The following SLC22A14 variants were observed in gnomAD, a reference collection of about 807,000 sequenced individuals.
SLC22A14 encodes solute carrier family 22 member 14, also known as organic cation transporter-like 4.
In SLC22A14, 50 loss-of-function variants were observed where a neutral mutation model predicts 53.9. The ratio of observed to expected loss-of-function variants is 0.93; its 90% CI spans 0.74 to 1.17. The LOEUF is 1.17. SLC22A14 is among the 50% of genes most tolerant of loss of function. SLC22A14 has a pLI of 0.00. For synonymous variants in SLC22A14, 312 were observed against 303.0 expected (o/e 1.03, Z -0.31); for missense variants, 671 against 734.7 (o/e 0.91, Z 1.00).
chr3:38,308,122 A>AC lies in SLC22A14; in HGVS notation c.775+402_775+403insC, dbSNP rs1421806618. 6 of 155,700 alleles carry AC rather than the reference A, an allele frequency of 3.9e-5. No individual in the cohort carries two copies. In the East Asian group the frequency reaches 7.4e-4, roughly 19 times the overall value. The allele number at this position is 155,700 out of a possible 1,614,324, so 9.6% of individuals were successfully genotyped here. The stretch of plus-strand genomic sequence containing the variant: ...CCCTTAAGAAAGGCCAGGCAAAAGA[A>AC]AAAACAACAAAAAACAGAAGAAGAA... On this transcript the variant is annotated intron_variant, in intron 4 of 10. Transcript: ENST00000448498.
rs146673919 is a variant in SLC22A14 at position 38,316,286 on chromosome 3, G to A, written c.1533-38G>A. On this transcript the variant is annotated intron_variant, in intron 9 of 10. Coordinates refer to ENST00000448498, the MANE Select transcript of SLC22A14 (RefSeq NM_001320033.2). ...CTGGCCCTGCCCAGCCTCTGAACCCGGCAGACCCCTCACAGGAGCTCTCAC... is the reference window on the plus strand; with the variant it reads ...CTGGCCCTGCCCAGCCTCTGAACCCAGCAGACCCCTCACAGGAGCTCTCAC... The A allele has an allele frequency of 4.8e-3, 7,738 of 1,600,978 alleles. 32 individuals carry two copies. Among genetic ancestry groups the A allele is most frequent in the Non-Finnish European group, 6.2e-3 (7,214 of 1,168,980 alleles).
intron 1 of SLC22A14, among the ~76,000 whole-genome samples, chr3:38,303,306 T>G (rs985544250): frequency 6.6e-6 from 1 of 152,152 alleles, no homozygotes; most frequent in Non-Finnish European, 1.5e-5. Flanking sequence ...TCCCACTTCT[T>G]ATGATGGTTG....
chr3:38,297,979 T>C (rs961217855), intron 1 of SLC22A14, among the ~76,000 whole-genome samples: 3 of 152,238 alleles, frequency 2.0e-5, no homozygotes, highest in Non-Finnish European at 2.9e-5. Flanking sequence ...TTTTGAATTT[T>C]CATCATTTTT....
At chr3:38,278,883 C>T (rs539114520), upstream of SLC22A14, among the ~76,000 whole-genome samples, 10 of 151,574 alleles carry the variant, frequency 6.6e-5, no homozygotes, top group South Asian at 4.2e-4. Context: ...GACCTCAAGC[C>T]GGACTGCCTT....
At chr3:38,300,749 A>G (rs1407048630) in intron 1 of SLC22A14, among the ~76,000 whole-genome samples, 2 of 152,224 alleles carry the variant, frequency 1.3e-5, no homozygotes, top group African/African-American at 2.4e-5. Context: ...GCATTGCCCA[A>G]TGTCAGACCC....
intron 5 of SLC22A14, among the ~76,000 whole-genome samples, chr3:38,310,158 G>A (rs1269960664): frequency 5.9e-5 from 9 of 152,024 alleles, no homozygotes; most frequent in South Asian, 2.1e-4. Context: ...TGGGAGGAGC[G>A]CTTGAGGCTA....
chr3:38,315,783 A>T (rs993815854), intron 9 of SLC22A14, 72 bp downstream of exon 9: 1 of 1,459,942 alleles, frequency 6.8e-7, no homozygotes, highest in African/African-American at 1.4e-5. Context: ...TTAATGCAGC[A>T]ACTAAGACAA....
At chr3:38,309,439 G>A (rs1184597221) in intron 5 of SLC22A14, among the ~76,000 whole-genome samples, 1 of 152,198 alleles carries the variant, frequency 6.6e-6, no homozygotes, top group East Asian at 1.9e-4. Context: ...GCTGGGAAAG[G>A]GTCTGCCAGC....
chr3:38,287,713 A>G (rs1322385414), intron 1 of SLC22A14, among the ~76,000 whole-genome samples: 1 of 152,166 alleles, frequency 6.6e-6, no homozygotes, highest in African/African-American at 2.4e-5. Flanking sequence ...TTCAATATAC[A>G]TTTTAGAATC....
intron 1 of SLC22A14, among the ~76,000 whole-genome samples, chr3:38,296,279 C>T (rs1704035505): frequency 1.3e-5 from 2 of 152,302 alleles, no homozygotes; most frequent in East Asian, 1.9e-4. Flanking sequence ...AGTCAGCCCT[C>T]GGCTTCCCCA....
chr3:38,318,220 A>T lies in SLC22A14; in HGVS notation c.1756A>T (p.Thr586Ser). ...QIRNKVKDMKTKETSSDDV is the reference protein window; with the variant it reads ...QIRNKVKDMKSKETSSDDV ...CAGGAATAAGGTCAAGGACATGAAG[A>T]CTAAGGAAACATCATCTGATGATGT... Residue 586 changes from threonine (T) to serine (S), a missense_variant, in exon 11 of 11, where the codon ACT becomes TCT. Thr to Ser is a moderately conservative substitution (Grantham distance 58). Coordinates refer to ENST00000448498, the MANE Select transcript of SLC22A14 (RefSeq NM_001320033.2). 6.2e-7 allele frequency: 1 copy of T among 1,614,074 alleles called. No homozygotes were observed. Among genetic ancestry groups the T allele is most frequent in the Non-Finnish European group, 8.5e-7 (1 of 1,179,920 alleles).
Position 38,313,012 on chromosome 3 carries a change from TC to T in SLC22A14, c.962del (p.Pro321ArgfsTer4). ...FISYIWILPE[S>X]PRWLMMKGKV... ...CTGGCCACGCAGGATTCTCCCGGAG[TC>T]CCCGCGGTGGCTGATGATGAAAGGG... On this transcript the variant is annotated frameshift_variant, in exon 6 of 11. Transcript: ENST00000448498. LOFTEE classifies it high-confidence loss of function. 2 of 1,581,804 alleles carry T rather than the reference TC, an allele frequency of 1.3e-6. No individual in the cohort carries two copies. The highest frequency in any genetic ancestry group is 1.7e-6 in the Non-Finnish European group (2 of 1,164,554).
intron 5 of SLC22A14, among the ~76,000 whole-genome samples, chr3:38,311,543 T>A (rs966934391): frequency 3.3e-5 from 5 of 152,348 alleles, no homozygotes; most frequent in Admixed American, 3.3e-4. Context: ...AATTCTAATT[T>A]GTTTCTCTCT....
At chr3:38,317,375 C>G (rs916982670) in intron 10 of SLC22A14, among the ~76,000 whole-genome samples, 2 of 152,276 alleles carry the variant, frequency 1.3e-5, no homozygotes, top group South Asian at 2.1e-4. Context: ...ATAGCTTATG[C>G]GGAGACAGAT....
rs966688999 is a variant in SLC22A14 at position 38,306,369 on chromosome 3, C to T, written c.343C>T (p.Gln115Ter). 4 of 1,614,090 alleles carry T rather than the reference C, an allele frequency of 2.5e-6. No homozygotes were observed. In the African/African-American group the frequency reaches 4.0e-5, roughly 16 times the overall value. Residue 115 changes from glutamine to a stop codon, truncating the protein, a stop_gained, in exon 2 of 11, where the codon CAG becomes TAG. Coordinates refer to ENST00000448498, the MANE Select transcript of SLC22A14 (RefSeq NM_001320033.2). LOFTEE classifies it high-confidence loss of function. ...AVGPHLSKAE[Q>*]LNLTIPQAPN... ...GGGCCCCCACCTGTCCAAAGCTGAG[C>T]AGCTGAATCTGACCATACCCCAAGC... is the stretch of plus-strand genomic sequence containing the variant.
Position 38,316,523 on chromosome 3 carries a change from A to C in SLC22A14, c.1732A>C (p.Arg578=). 6.2e-7 allele frequency: 1 copy of C among 1,613,616 alleles called. No homozygotes were observed. The highest frequency in any genetic ancestry group is 8.5e-7 in the Non-Finnish European group (1 of 1,179,708). Residue 578 remains arginine (R), a splice_region_variant and synonymous_variant, in exon 10 of 11, where the codon AGG becomes CGG. Coordinates refer to ENST00000448498, the MANE Select transcript of SLC22A14 (RefSeq NM_001320033.2). ...SESLNHSSQI[R]NKVKDMKTKE... is the part of the protein sequence containing the mutation. Reference sequence around the variant, plus strand: ...GAGCCTGAACCACTCCTCACAGATAAGGTAGGTGTGGGAGCCTCCTGGGCT... The same window carrying C: ...GAGCCTGAACCACTCCTCACAGATACGGTAGGTGTGGGAGCCTCCTGGGCT...
intron 1 of SLC22A14, among the ~76,000 whole-genome samples, chr3:38,289,711 A>G (rs56408843): frequency 0.065 from 9,848 of 152,240 alleles, 380 homozygotes; most frequent in East Asian, 0.16. Context: ...TGGGCGCCTC[A>G]CTGGATCAGG....
intron 1 of SLC22A14, among the ~76,000 whole-genome samples, chr3:38,282,983 T>C (rs1460760840): frequency 6.6e-6 from 1 of 152,174 alleles, no homozygotes; most frequent in African/African-American, 2.4e-5. Flanking sequence ...CAAATGGGCC[T>C]CAGCAGGCTA....
Position 38,309,078 on chromosome 3 carries a change from T to C in SLC22A14, c.900T>C (p.Phe300=). Residue 300 remains phenylalanine (F), a synonymous_variant, in exon 5 of 11, where the codon TTT becomes TTC. Coordinates refer to ENST00000448498, the MANE Select transcript of SLC22A14 (RefSeq NM_001320033.2). The part of the protein sequence containing the change: ...AYSLPHWQLL[F]LVGGILVIPF... ...GTCTTCCCCACTGGCAGCTGCTGTT[T>C]CTGGTGGGTGGGATACTTGTGATCC... 1 of 1,614,134 alleles carries C rather than the reference T, an allele frequency of 6.2e-7. No homozygotes were observed. The highest frequency in any genetic ancestry group is 1.1e-5 in the South Asian group (1 of 91,082).
Sources: gnomAD v4.1 joint callset for allele counts (sites outside exome capture counted in the v4.1 genomes callset) on GRCh38, gnomAD v4.1.1 for gene constraint, MANE v1.5 for transcripts, NCBI Gene and HGNC (gene_info 2026-07-23, HGNC 2026-07-21) for gene names.